Variants in NBAS observed in about 807,000 individuals in gnomAD.
NBAS encodes NAG/BC035112 fusion.
In NBAS, 219 loss-of-function variants were observed where a neutral mutation model predicts 302.5. The ratio of observed to expected loss-of-function variants is 0.72; its 90% CI spans 0.65 to 0.81. NBAS has a LOEUF of 0.81. Ranked by LOEUF, NBAS falls within the 30% of genes least tolerant of loss-of-function variation. The pLI, the probability that NBAS is intolerant of heterozygous loss-of-function variation, is 0.00. For synonymous variants in NBAS, 1,118 were observed against 1,021.6 expected, an observed-to-expected ratio of 1.09 and a Z score of -1.80; for missense variants, 2,932 against 2,841.6, an observed-to-expected ratio of 1.03 and a Z score of -0.72.
the NBAS span, among the ~76,000 whole-genome samples, chr2:14,783,930 CCCA>C: frequency 1.4e-5 from 2 of 141,114 alleles, no homozygotes; most frequent in South Asian, 2.4e-4. Context: ...AGTTTACAGT[CCCA>C]CCAACAGTGT....
chr2:15,246,122 T>C (rs1475595687), intron 44 of NBAS, among the ~76,000 whole-genome samples: 1 of 152,218 alleles, frequency 6.6e-6, no homozygotes, highest in Non-Finnish European at 1.5e-5. Context: ...TACATGGAAA[T>C]GTCTCCTTAG....
the NBAS span, among the ~76,000 whole-genome samples, chr2:14,930,486 G>C: frequency 6.6e-6 from 1 of 152,184 alleles, no homozygotes; most frequent in South Asian, 2.1e-4. Flanking sequence ...GGCTCTGCCA[G>C]CAAAGCCATC....
chr2:15,226,118 A>C (rs1038772992), intron 47 of NBAS, among the ~76,000 whole-genome samples: 4 of 152,204 alleles, frequency 2.6e-5, no homozygotes, highest in African/African-American at 9.6e-5. Flanking sequence ...TTAGTGTCAA[A>C]AAGAGGTGAT....
chr2:15,536,012 G>A lies in NBAS; in HGVS notation c.647+406C>T, dbSNP rs73915365. On this transcript the variant is annotated intron_variant, in intron 8 of 51. Transcript: ENST00000281513. ...AGAGGTTTGAACTGCACAGATGTAC[G>A]CATTTGTCATAACTCACCAGCTGGT... 6.3e-3 allele frequency among the ~76,000 whole-genome samples: 953 copies of A among 152,284 alleles called. 13 individuals carry two copies. Among genetic ancestry groups the A allele is most frequent in the African/African-American group, 0.022 (900 of 41,546 alleles).
intron 38 of NBAS, among the ~76,000 whole-genome samples, chr2:15,310,098 T>C (rs1320632550): frequency 3.3e-5 from 5 of 152,228 alleles, no homozygotes; most frequent in Admixed American, 6.5e-5. Context: ...CCACATGATT[T>C]TTCCAGAAGA....
chr2:15,327,959 T>C, intron 37 of NBAS, 89 bp from the exon 38 acceptor site: 1 of 1,532,378 alleles, frequency 6.5e-7, no homozygotes, highest in East Asian at 2.3e-5. Flanking sequence ...ATGTTATGTT[T>C]TCTGGTGACT....
At chr2:15,232,220 T>C (rs892280574) in intron 47 of NBAS, among the ~76,000 whole-genome samples, 7 of 152,106 alleles carry the variant, frequency 4.6e-5, no homozygotes, top group African/African-American at 9.7e-5. Context: ...GAGAAAACAA[T>C]GCTCTCCATG....
chr2:15,539,367 A>G lies in NBAS; in HGVS notation c.380-11T>C, dbSNP rs190832066. 6.2e-7 allele frequency: 1 copy of G among 1,614,188 alleles called. No individual in the cohort carries two copies. Among genetic ancestry groups the G allele is most frequent in the East Asian group, 2.2e-5 (1 of 44,880 alleles). ...TCGGGTCTTTCGGAACTAGAACAAA[A>G]GAAAACAAGAGGTGCTTCTAACAAT... is the stretch of plus-strand genomic sequence containing the variant. On this transcript the variant is annotated splice_polypyrimidine_tract_variant and intron_variant, in intron 6 of 51. Coordinates refer to ENST00000281513, the MANE Select transcript of NBAS (RefSeq NM_015909.4).
chr2:15,328,574 C>T (rs1173397443), intron 36 of NBAS, among the ~76,000 whole-genome samples: 1 of 152,134 alleles, frequency 6.6e-6, no homozygotes, highest in East Asian at 1.9e-4. Flanking sequence ...TTTTCCTGGT[C>T]ACTTTGACAT....
chr2:15,315,993 C>G (rs1671490092), intron 38 of NBAS, among the ~76,000 whole-genome samples: 1 of 152,054 alleles, frequency 6.6e-6, no homozygotes, highest in South Asian at 2.1e-4. Flanking sequence ...CCATATGAAG[C>G]AATATTTGAC....
chr2:15,179,307 G>T, intron 50 of NBAS, 191 bp from the exon 51 acceptor site: 1 of 742,290 alleles, frequency 1.3e-6, no homozygotes, highest in Non-Finnish European at 2.2e-6. Context: ...AGTAAACTGT[G>T]TACAGATTTC....
chr2:15,385,908 G>A (rs1675268340), intron 28 of NBAS, among the ~76,000 whole-genome samples: 1 of 152,180 alleles, frequency 6.6e-6, no homozygotes, highest in Admixed American at 6.5e-5. Flanking sequence ...GGGGGAGATG[G>A]GGTGGTAGGT....
chr2:15,097,334 C>T, the NBAS span, among the ~76,000 whole-genome samples: 1 of 152,020 alleles, frequency 6.6e-6, no homozygotes, highest in Admixed American at 6.6e-5. Flanking sequence ...GCGCAGAATC[C>T]CAGGCCACAG....
intron 9 of NBAS, among the ~76,000 whole-genome samples, chr2:15,530,534 C>T (rs1245118420): frequency 6.6e-6 from 1 of 151,866 alleles, no homozygotes; most frequent in Non-Finnish European, 1.5e-5. Flanking sequence ...AAATAATTTA[C>T]AATTTATAAA....
chr2:15,276,761 C>T (rs1242726442), intron 43 of NBAS, 90 bp downstream of exon 43: 19 of 1,593,188 alleles, frequency 1.2e-5, no homozygotes, highest in Non-Finnish European at 1.6e-5. Context: ...AGCTCTGCAA[C>T]CATAATGCAT....
At chr2:15,524,329 G>T (rs1662818742) in intron 9 of NBAS, among the ~76,000 whole-genome samples, 1 of 152,178 alleles carries the variant, frequency 6.6e-6, no homozygotes, top group Admixed American at 6.5e-5. Context: ...CTGTGCTATG[G>T]GGTGCAAGAT....
the NBAS span, among the ~76,000 whole-genome samples, chr2:14,861,463 G>A: frequency 1.1e-4 from 16 of 152,148 alleles, no homozygotes; most frequent in Non-Finnish European, 1.6e-4. Context: ...CACTCAGTCT[G>A]GTAGAGGAGA....
At chr2:14,865,354 G>C in the NBAS span, among the ~76,000 whole-genome samples, 3 of 152,086 alleles carry the variant, frequency 2.0e-5, no homozygotes, top group African/African-American at 4.8e-5. Context: ...GGGGAGTCTA[G>C]AGGGAAAGAA....
chr2:14,940,309 T>C, the NBAS span, among the ~76,000 whole-genome samples: 48 of 152,286 alleles, frequency 3.2e-4, no homozygotes, highest in African/African-American at 1.1e-3. Flanking sequence ...TGAGTTCTCA[T>C]GAGATCTGTT....
Sources: allele counts gnomAD v4.1 joint callset (sites outside exome capture counted in the v4.1 genomes callset), GRCh38; gene constraint gnomAD v4.1.1; transcripts MANE v1.5; gene names NCBI Gene and HGNC (gene_info 2026-07-23, HGNC 2026-07-21).